The following MDGA2 variants were observed in gnomAD, a reference collection of about 807,000 sequenced individuals.
The protein encoded by MDGA2 is MAM domain-containing glycosylphosphatidylinositol anchor protein 2.
MDGA2 carries 40 observed loss-of-function variants against 117.8 expected under a neutral mutation model. The observed-to-expected ratio is 0.34, with a 90% confidence interval of 0.26 to 0.44. The LOEUF (loss-of-function observed/expected upper bound fraction) is 0.44, where lower values mean the gene tolerates loss of function less well. Among genes scored for constraint, MDGA2 ranks in the 20% least tolerant of loss-of-function variants. The probability of loss-of-function intolerance (pLI) is 1.00; values close to 1 mark genes in which losing one functional copy is unlikely to be tolerated. For synonymous variants in MDGA2, 452 were observed against 439.0 expected (o/e 1.03, Z -0.37); for missense variants, 1,123 against 1,250.6 (o/e 0.90, Z 1.54).
chr14:46,952,954 C>A (rs1885421729), intron 9 of MDGA2, among the ~76,000 whole-genome samples: 1 of 151,828 alleles, frequency 6.6e-6, no homozygotes, highest in Admixed American at 6.6e-5. Flanking sequence ...TTAAGATAAG[C>A]TAGGTTTTCT....
intron 2 of MDGA2, among the ~76,000 whole-genome samples, chr14:47,280,314 CAAAAAAAAAAAAAAA>C (rs1196509408): frequency 5.6e-5 from 2 of 35,832 alleles, no homozygotes; most frequent in Admixed American, 5.5e-4. Flanking sequence ...AACTCCATCT[CAAAAAAAAAAAAAAA>C]AAAAAAAAAA....
chr14:47,427,631 G>A (rs903154670), intron 1 of MDGA2, among the ~76,000 whole-genome samples: 1 of 152,092 alleles, frequency 6.6e-6, no homozygotes, highest in Non-Finnish European at 1.5e-5. Context: ...TTGTCACCAG[G>A]TTGTGTGGTG....
chr14:47,400,978 T>C (rs918077426), intron 1 of MDGA2, among the ~76,000 whole-genome samples: 96 of 151,352 alleles, frequency 6.3e-4, no homozygotes, highest in African/African-American at 2.2e-3. Context: ...AGGATGGTCT[T>C]GATCTCCTGA....
chr14:46,965,627 T>C (rs987541302), intron 8 of MDGA2, among the ~76,000 whole-genome samples: 2 of 152,180 alleles, frequency 1.3e-5, no homozygotes, highest in East Asian at 3.9e-4. Context: ...TTTCTCCTGA[T>C]AGATGGTTCA....
chr14:47,572,907 G>A (rs1896046900), intron 1 of MDGA2, among the ~76,000 whole-genome samples: 1 of 152,116 alleles, frequency 6.6e-6, no homozygotes. Context: ...ACTTTGATTA[G>A]AATTTTAATA....
intron 1 of MDGA2, among the ~76,000 whole-genome samples, chr14:47,628,494 A>T (rs1460284457): frequency 6.6e-6 from 1 of 152,188 alleles, no homozygotes; most frequent in African/African-American, 2.4e-5. Context: ...ACGAATTGTG[A>T]TTTCTATGTA....
chr14:47,087,801 CAAAAA>C (rs11418956), intron 6 of MDGA2, among the ~76,000 whole-genome samples: 4 of 139,310 alleles, frequency 2.9e-5, no homozygotes, highest in Non-Finnish European at 3.1e-5. Flanking sequence ...TGTAGGGTAT[CAAAAA>C]AAAAAAAAAA....
intron 10 of MDGA2, among the ~76,000 whole-genome samples, chr14:46,908,484 T>A (rs1306884788): frequency 1.3e-5 from 2 of 152,150 alleles, no homozygotes; most frequent in Non-Finnish European, 2.9e-5. Flanking sequence ...TTAGGAGTCT[T>A]AACCACTTTC....
chr14:47,143,351 A>C (rs1377440541), intron 4 of MDGA2, among the ~76,000 whole-genome samples: 1 of 152,132 alleles, frequency 6.6e-6, no homozygotes, highest in African/African-American at 2.4e-5. Flanking sequence ...TTTTTTATTT[A>C]AAACTTTTTC....
At chr14:47,382,791 T>A (rs879515292) in intron 1 of MDGA2, among the ~76,000 whole-genome samples, 1 of 152,204 alleles carries the variant, frequency 6.6e-6, no homozygotes. Flanking sequence ...TAGAAGACAG[T>A]GTGGCGATTC....
rs546771197 is a variant in MDGA2, at chr14:47,428,766, C to T, written c.281-127216G>A. Among the ~76,000 whole-genome samples, 6 of 151,836 alleles carry T rather than the reference C, an allele frequency of 4.0e-5. 1 individual carries two copies. In the East Asian group the frequency reaches 1.2e-3, roughly 29 times the overall value. Reference sequence around the variant, plus strand: ...TTACACATATATTTGTGTATACATACCCACACATACATAAATATACATGTA... The same window carrying T: ...TTACACATATATTTGTGTATACATATCCACACATACATAAATATACATGTA... On this transcript the variant is annotated intron_variant, in intron 1 of 16. Coordinates refer to ENST00000399232, the MANE Select transcript of MDGA2 (RefSeq NM_001113498.3).
chr14:46,840,353 G>C lies in MDGA2; in HGVS notation c.*1578C>G, dbSNP rs1328077592. 1 of 152,272 alleles carries C rather than the reference G, an allele frequency of 6.6e-6. No homozygotes were observed. Among genetic ancestry groups the C allele is most frequent in the East Asian group, 1.9e-4 (1 of 5,158 alleles). 9.4% of individuals were successfully genotyped at this position (152,272 alleles called of 1,614,324 possible). On this transcript the variant is annotated 3_prime_UTR_variant, in exon 17 of 17. Transcript: ENST00000399232. Reference sequence around the variant, plus strand: ...ATAATAATATTCTTCTTAGACAAAAGTCTTTTTAAATGAAGTTAAAAGCTG... The same window carrying C: ...ATAATAATATTCTTCTTAGACAAAACTCTTTTTAAATGAAGTTAAAAGCTG...
intron 3 of MDGA2, among the ~76,000 whole-genome samples, chr14:47,144,803 C>T (rs1475884713): frequency 1.4e-5 from 2 of 139,086 alleles, no homozygotes; most frequent in Admixed American, 7.0e-5. Flanking sequence ...CATGTGCTAC[C>T]ATGCCCGGCT....
intron 1 of MDGA2, among the ~76,000 whole-genome samples, chr14:47,629,425 T>G (rs897783775): frequency 6.6e-6 from 1 of 152,214 alleles, no homozygotes; most frequent in Non-Finnish European, 1.5e-5. Flanking sequence ...TTGAAAACAG[T>G]TGTATGCCAA....
chr14:47,468,672 T>A (rs199590002), intron 1 of MDGA2, among the ~76,000 whole-genome samples: 35 of 148,504 alleles, frequency 2.4e-4, no homozygotes, highest in Admixed American at 4.7e-4. Context: ...GTTTTTTTTT[T>A]GTTTAAATAA....
intron 3 of MDGA2, among the ~76,000 whole-genome samples, chr14:47,175,668 C>T (rs1429664304): frequency 1.3e-5 from 2 of 151,328 alleles, no homozygotes; most frequent in Non-Finnish European, 2.9e-5. Context: ...TAAGAGCTAT[C>T]TATGACAAAC....
chr14:47,248,861 T>C (rs527521237), intron 2 of MDGA2, among the ~76,000 whole-genome samples: 5 of 151,908 alleles, frequency 3.3e-5, no homozygotes, highest in Middle Eastern at 3.2e-3. Flanking sequence ...CAGAAAAAAA[T>C]TAGTATATTT....
intron 1 of MDGA2, among the ~76,000 whole-genome samples, chr14:47,590,173 C>T (rs1028588014): frequency 6.6e-6 from 1 of 151,746 alleles, no homozygotes; most frequent in African/African-American, 2.4e-5. Flanking sequence ...ATCTAGATAC[C>T]ATTTCTTTCT....
intron 5 of MDGA2, among the ~76,000 whole-genome samples, chr14:47,122,326 A>G (rs960265898): frequency 2.6e-5 from 4 of 152,054 alleles, no homozygotes; most frequent in Non-Finnish European, 5.9e-5. Flanking sequence ...ATATGCACCA[A>G]CATTAATAAT....
Sources: gnomAD v4.1 joint callset for allele counts (sites outside exome capture counted in the v4.1 genomes callset) on GRCh38, gnomAD v4.1.1 for gene constraint, MANE v1.5 for transcripts, NCBI Gene and HGNC (gene_info 2026-07-23, HGNC 2026-07-21) for gene names.